The following ZNF469 variants were observed in gnomAD, a reference collection of about 807,000 sequenced individuals.
ZNF469 encodes zinc finger protein 469.
ZNF469 carries 1 observed loss-of-function variant against 1.0 expected under a neutral mutation model. That is an observed-to-expected ratio of 1.00 (90% CI 0.35 to 4.73). The LOEUF (loss-of-function observed/expected upper bound fraction) is 4.73, where lower values mean the gene tolerates loss of function less well. ZNF469 is among the 30% of genes most tolerant of loss of function. The pLI, the probability that ZNF469 is intolerant of heterozygous loss-of-function variation, is 0.16. For missense variants in ZNF469, 6,100 were observed against 5,356.3 expected, an observed-to-expected ratio of 1.14 and a Z score of -4.33; for synonymous variants, 2,703 against 2,363.4, an observed-to-expected ratio of 1.14 and a Z score of -4.17.
In ZNF469 at chr16:88,432,628, G is replaced by A. The variant is rs1131691303; in HGVS notation, c.5158G>A (p.Val1720Ile). The change falls in exon 3 of 3, where the codon GTC (valine) becomes ATC (isoleucine). Residue 1720 changes from valine (V) to isoleucine (I), a missense_variant. Transcript: ENST00000565624. ...AEGDSRPPQDVCLPEPSKQPG... is the reference protein window; with the variant it reads ...AEGDSRPPQDICLPEPSKQPG... ...AGGAGACAGCAGGCCCCCCCAAGAT[G>A]TCTGCCTGCCTGAGCCCAGCAAGCA... is the stretch of plus-strand genomic sequence containing the variant. 3.9e-6 allele frequency: 6 copies of A among 1,550,412 alleles called. No individual in the cohort carries two copies. Among genetic ancestry groups the A allele is most frequent in the Non-Finnish European group, 5.2e-6 (6 of 1,146,972 alleles).
chr16:88,174,476 G>GTCTGTCTGTCTATCTA, the ZNF469 span, among the ~76,000 whole-genome samples: 25 of 101,624 alleles, frequency 2.5e-4, no homozygotes, highest in Middle Eastern at 4.5e-3. Flanking sequence ...CTGTCTGTCT[G>GTCTGTCTGTCTATCTA]TCTATCTATC....
upstream of ZNF469, among the ~76,000 whole-genome samples, chr16:88,379,969 T>C (rs891573408): frequency 6.6e-6 from 1 of 152,178 alleles, no homozygotes; most frequent in Admixed American, 6.5e-5. Flanking sequence ...TGAGGGCTTC[T>C]GTCATTTCTC....
At chr16:88,301,042 G>A in the ZNF469 span, among the ~76,000 whole-genome samples, 1 of 152,032 alleles carries the variant, frequency 6.6e-6, no homozygotes, top group African/African-American at 2.4e-5. Flanking sequence ...TCCAGCCTGG[G>A]CAACAGAGCG....
At chr16:88,205,340 G>A in the ZNF469 span, among the ~76,000 whole-genome samples, 8 of 152,124 alleles carry the variant, frequency 5.3e-5, no homozygotes, top group Non-Finnish European at 8.8e-5. This position sits in a 1 kb window ranked among gnomAD's most constrained non-coding sequence, Gnocchi z 4.2. Flanking sequence ...GCAGGGCTTC[G>A]AGGAGGCTCC....
At chr16:88,405,241 G>C (rs900339141) in intron 1 of ZNF469, among the ~76,000 whole-genome samples, 5 of 152,116 alleles carry the variant, frequency 3.3e-5, no homozygotes, top group African/African-American at 9.7e-5. Flanking sequence ...TCTGAGCCCT[G>C]AGCCTTGGGG....
rs273585637 is a variant in ZNF469 at position 88,438,397 on chromosome 16, C to T, written c.10927C>T (p.Leu3643=). 1.3e-6 allele frequency: 2 copies of T among 1,550,130 alleles called. No homozygotes were observed. The highest frequency in any genetic ancestry group is 1.2e-5 in the South Asian group (1 of 84,064). Reference sequence around the variant, plus strand: ...CCCTGACCATTTCCAGGAAGACCACCTACTTCAGAAAGAGAAGGAGGTGTC... The same window carrying T: ...CCCTGACCATTTCCAGGAAGACCACTTACTTCAGAAAGAGAAGGAGGTGTC... ...CAPDHFQEDH[L]LQKEKEVSSS... is the part of the protein sequence containing the mutation. The change falls in exon 3 of 3, where the codon CTA becomes TTA. Residue 3643 remains leucine, a synonymous_variant. Coordinates refer to ENST00000565624, the MANE Select transcript of ZNF469 (RefSeq NM_001367624.2).
the ZNF469 span, among the ~76,000 whole-genome samples, chr16:88,276,232 G>T: frequency 1.3e-4 from 20 of 152,196 alleles, no homozygotes; most frequent in African/African-American, 4.8e-4. Flanking sequence ...GGATGGCCAG[G>T]CCCCTGTGCG....
chr16:88,376,416 G>T, the ZNF469 span, among the ~76,000 whole-genome samples: 1 of 152,356 alleles, frequency 6.6e-6, no homozygotes, highest in Middle Eastern at 3.4e-3. Context: ...AGCAGGCACT[G>T]AAGGCCGCTG....
the ZNF469 span, among the ~76,000 whole-genome samples, chr16:88,361,354 C>G: frequency 1.3e-5 from 2 of 152,290 alleles, no homozygotes; most frequent in African/African-American, 2.4e-5. Context: ...GACCCCTGCC[C>G]TAGAGGAAGC....
the ZNF469 span, among the ~76,000 whole-genome samples, chr16:88,225,281 C>T: frequency 1.3e-5 from 2 of 152,232 alleles, no homozygotes; most frequent in African/African-American, 4.8e-5. Context: ...TCTGATTTCC[C>T]GATGTGGCTG....
intron 1 of ZNF469, among the ~76,000 whole-genome samples, chr16:88,414,218 C>G (rs1211328523): frequency 3.3e-5 from 5 of 152,224 alleles, no homozygotes; most frequent in Non-Finnish European, 7.3e-5. Context: ...CACCTGGATT[C>G]AGGCTGCTCC....
At chr16:88,231,067 C>T in the ZNF469 span, among the ~76,000 whole-genome samples, 1 of 152,186 alleles carries the variant, frequency 6.6e-6, no homozygotes, top group African/African-American at 2.4e-5. This position sits in a 1 kb window ranked among gnomAD's most constrained non-coding sequence, Gnocchi z 4.5. Flanking sequence ...CCTCCCCTCC[C>T]CCAACACACG....
At chr16:88,132,698 G>A in the ZNF469 span, among the ~76,000 whole-genome samples, 16 of 152,288 alleles carry the variant, frequency 1.1e-4, no homozygotes, top group Non-Finnish European at 1.5e-4. Context: ...CAAACTAAAT[G>A]GAGACATAAG....
chr16:88,294,552 C>T, the ZNF469 span, among the ~76,000 whole-genome samples: 1 of 152,238 alleles, frequency 6.6e-6, no homozygotes, highest in Non-Finnish European at 1.5e-5. Flanking sequence ...TTAAGAGCCA[C>T]TCATTCTTTG....
the ZNF469 span, among the ~76,000 whole-genome samples, chr16:88,140,667 C>G: frequency 6.6e-6 from 1 of 152,320 alleles, no homozygotes; most frequent in African/African-American, 2.4e-5. Flanking sequence ...CGCAGTGGCT[C>G]AGGCCTGTAA....
At chr16:88,287,938 G>C in the ZNF469 span, among the ~76,000 whole-genome samples, 1 of 152,050 alleles carries the variant, frequency 6.6e-6, no homozygotes, top group African/African-American at 2.4e-5. Flanking sequence ...TTTGTCGGTT[G>C]GTTGTGATTG....
chr16:88,118,504 C>G, the ZNF469 span, among the ~76,000 whole-genome samples: 2 of 152,150 alleles, frequency 1.3e-5, no homozygotes, highest in African/African-American at 4.8e-5. Context: ...TTTGGGCTGA[C>G]TCTCTGCTTT....
At chr16:88,259,161 A>G in the ZNF469 span, among the ~76,000 whole-genome samples, 3 of 152,268 alleles carry the variant, frequency 2.0e-5, no homozygotes, top group Admixed American at 2.0e-4. The surrounding 1 kb of genome is among the most constrained non-coding windows in gnomAD (Gnocchi z 4.1). Flanking sequence ...AGAAAGTCGC[A>G]GGAATGAGGC....
the ZNF469 span, among the ~76,000 whole-genome samples, chr16:88,315,557 G>A: frequency 2.0e-5 from 3 of 152,210 alleles, no homozygotes; most frequent in Non-Finnish European, 4.4e-5. Context: ...GTGGCCAGGT[G>A]ACTTTGCAGA....
Sources: gnomAD v4.1 joint callset for allele counts (sites outside exome capture counted in the v4.1 genomes callset) on GRCh38, gnomAD v4.1.1 for gene constraint, Gnocchi (gnomAD v3.1) non-coding constraint, MANE v1.5 for transcripts, NCBI Gene and HGNC (gene_info 2026-07-23, HGNC 2026-07-21) for gene names.